Variants in CNIH3 observed in about 807,000 individuals in gnomAD.
CNIH3 encodes protein cornichon homolog 3.
CNIH3 carries 14 observed loss-of-function variants against 24.1 expected under a neutral mutation model. The ratio of observed to expected loss-of-function variants is 0.58; its 90% CI spans 0.38 to 0.91. The LOEUF (loss-of-function observed/expected upper bound fraction) is 0.91. CNIH3 is among the 40% of genes least tolerant of loss of function. CNIH3 has a pLI of 0.00. For missense variants in CNIH3, 178 were observed against 196.8 expected (o/e 0.90, Z 0.57); for synonymous variants, 68 against 73.8 (o/e 0.92, Z 0.40).
chr1:224,624,885 T>C (rs893215286), intron 1 of CNIH3, among the ~76,000 whole-genome samples: 2 of 152,228 alleles, frequency 1.3e-5, no homozygotes, highest in African/African-American at 4.8e-5. Context: ...TGGGCTGTTC[T>C]GTCTCCCTGG....
chr1:224,525,020 G>A (rs532022109), intron 2 of CNIH3, among the ~76,000 whole-genome samples: 3 of 152,074 alleles, frequency 2.0e-5, no homozygotes, highest in Non-Finnish European at 2.9e-5. Flanking sequence ...GGAAGTATCC[G>A]CCTAAATGTA....
At chr1:224,485,170 A>G (rs1052754715) in intron 1 of CNIH3, among the ~76,000 whole-genome samples, 1 of 152,210 alleles carries the variant, frequency 6.6e-6, no homozygotes, top group African/African-American at 2.4e-5. Context: ...ATAAACTTAT[A>G]TAGTCACTCT....
At chr1:224,462,554 G>A (rs187764496) in intron 1 of CNIH3, among the ~76,000 whole-genome samples, 3 of 151,162 alleles carry the variant, frequency 2.0e-5, no homozygotes, top group Non-Finnish European at 2.9e-5. Context: ...GGCTGGTCTC[G>A]AAATCCTGGC....
intron 3 of CNIH3, among the ~76,000 whole-genome samples, chr1:224,594,042 T>C (rs964867625): frequency 2.0e-5 from 3 of 152,156 alleles, no homozygotes; most frequent in Admixed American, 6.5e-5. Flanking sequence ...GAGTTTTAGT[T>C]TGAGAAGTTG....
Position 224,616,881 on chromosome 1 carries a change from T to C in CNIH3, c.-294T>C. ...TCACAGCTTGGCACTAATTTGCAGG[T>C]GTTCGCTGCTGATTTGGTTTCTTCT... On this transcript the variant is annotated 5_prime_UTR_variant, in exon 1 of 6. Transcript: ENST00000272133. 1 of 1,252,818 alleles carries C rather than the reference T, an allele frequency of 8.0e-7. No individual in the cohort carries two copies. Among genetic ancestry groups the C allele is most frequent in the South Asian group, 2.6e-5 (1 of 38,638 alleles). 77.6% of individuals were successfully genotyped at this position (1,252,818 alleles called of 1,614,324 possible). A position where few individuals can be genotyped will look rare whatever the true frequency, so the allele number is the denominator to read the frequency against.
rs1182034717 is a variant in CNIH3, at chr1:224,616,701, GC to G, written c.-470del. 27 of 992,048 alleles carry G rather than the reference GC, an allele frequency of 2.7e-5. No homozygotes were observed. Among genetic ancestry groups the G allele is most frequent in the Non-Finnish European group, 3.2e-5 (27 of 834,528 alleles). The allele number at this position is 992,048 out of a possible 1,614,324, so 61.5% of individuals were successfully genotyped here. A position where few individuals can be genotyped will look rare whatever the true frequency, so the allele number is the denominator to read the frequency against. ...ACCTCGCTGGACACTATCCGTTTGC[GC>G]CCCGGTGGCGCGGGAGGGTCCGGAG... is the stretch of plus-strand genomic sequence containing the variant. On this transcript the variant is annotated 5_prime_UTR_variant, in exon 1 of 6. Coordinates refer to ENST00000272133, the MANE Select transcript of CNIH3 (RefSeq NM_152495.2).
intron 4 of CNIH3, among the ~76,000 whole-genome samples, chr1:224,580,017 T>G (rs1453376701): frequency 6.6e-6 from 1 of 152,202 alleles, no homozygotes; most frequent in Non-Finnish European, 1.5e-5. Flanking sequence ...GAAATCAGTC[T>G]GTAAATCTTC....
Position 224,652,410 on chromosome 1 carries a change from C to T in CNIH3, c.82-28548C>T, listed in dbSNP as rs569598540. ...TTGAGCAGGCAGGACTCAGACCTAGCGGTAGGGAAGTGCTATTGAAAGTTT... is the reference window on the plus strand; with the variant it reads ...TTGAGCAGGCAGGACTCAGACCTAGTGGTAGGGAAGTGCTATTGAAAGTTT... On this transcript the variant is annotated intron_variant, in intron 1 of 5. Coordinates refer to ENST00000272133, the MANE Select transcript of CNIH3 (RefSeq NM_152495.2). Among the ~76,000 whole-genome samples, 19 of 152,190 alleles carry T rather than the reference C, an allele frequency of 1.2e-4. No individual in the cohort carries two copies. In the South Asian group the frequency reaches 2.5e-3, roughly 20 times the overall value.
rs2125254979 is a variant in CNIH3 at position 224,739,911 on chromosome 1, T to C, written c.*555T>C. 6.5e-6 allele frequency: 1 copy of C among 152,688 alleles called. No homozygotes were observed. Among genetic ancestry groups the C allele is most frequent in the Non-Finnish European group, 1.5e-5 (1 of 68,402 alleles). 9.5% of individuals were successfully genotyped at this position (152,688 alleles called of 1,614,324 possible). On this transcript the variant is annotated 3_prime_UTR_variant, in exon 6 of 6. Coordinates refer to ENST00000272133, the MANE Select transcript of CNIH3 (RefSeq NM_152495.2). The stretch of plus-strand genomic sequence containing the variant: ...GGAGGGGCTGGAGGGTGTGTGGGAT[T>C]TGTCTTCAGCTGCAACCAGCCTTGA...
At chr1:224,484,733 A>G (rs1021084853) in intron 1 of CNIH3, among the ~76,000 whole-genome samples, 2 of 152,150 alleles carry the variant, frequency 1.3e-5, no homozygotes, top group African/African-American at 4.8e-5. Context: ...GATGTCTTCA[A>G]GTTCACTCAT....
chr1:224,626,805 G>T (rs182050335), intron 1 of CNIH3, among the ~76,000 whole-genome samples: 1 of 152,282 alleles, frequency 6.6e-6, no homozygotes, highest in East Asian at 1.9e-4. Flanking sequence ...TTATTGCACC[G>T]TAGATATGTC....
chr1:224,561,284 A>G lies in CNIH3; in HGVS notation n.451-4915A>G, dbSNP rs551710126. On this transcript the variant is annotated intron_variant and non_coding_transcript_variant, in intron 3 of 5. Coordinates refer to the CNIH3 transcript ENST00000471578. ...GCATCTCTCTTTTCCTTTATGGTTTACAGATTTCCTTTCTCAGTCATGAAT... is the reference window on the plus strand; with the variant it reads ...GCATCTCTCTTTTCCTTTATGGTTTGCAGATTTCCTTTCTCAGTCATGAAT... Among the ~76,000 whole-genome samples, 16 of 152,270 alleles carry G rather than the reference A, an allele frequency of 1.1e-4. No individual in the cohort carries two copies. In the South Asian group the frequency reaches 3.3e-3, roughly 32 times the overall value.
chr1:224,460,563 T>G (rs905099316), intron 1 of CNIH3, among the ~76,000 whole-genome samples: 1 of 152,260 alleles, frequency 6.6e-6, no homozygotes, highest in Non-Finnish European at 1.5e-5. Flanking sequence ...TCAATTCTTT[T>G]CTTTTTATTG....
intron 3 of CNIH3, among the ~76,000 whole-genome samples, chr1:224,555,341 A>T (rs957106858): frequency 6.6e-6 from 1 of 152,198 alleles, no homozygotes; most frequent in Non-Finnish European, 1.5e-5. Context: ...ACATTGTGTG[A>T]AAAACTTGAA....
chr1:224,590,739 G>T (rs546239107), downstream of CNIH3, among the ~76,000 whole-genome samples: 3 of 152,124 alleles, frequency 2.0e-5, no homozygotes, highest in Non-Finnish European at 4.4e-5. Context: ...TTCCTAACAT[G>T]TGCTTTTTGG....
chr1:224,687,169 G>A (rs530873558), intron 3 of CNIH3, among the ~76,000 whole-genome samples: 1 of 152,330 alleles, frequency 6.6e-6, no homozygotes, highest in South Asian at 2.1e-4. Context: ...CTCCCACGGG[G>A]AGTAGCACTG....
upstream of CNIH3, among the ~76,000 whole-genome samples, chr1:224,511,464 C>T (rs712066): frequency 0.29 from 44,278 of 152,134 alleles, 8,241 homozygotes; most frequent in African/African-American, 0.53. Context: ...CGCATGTGAT[C>T]ACAAAGTGGG....
rs935649232 is a variant in CNIH3 at position 224,674,191 on chromosome 1, A to G, written c.82-6767A>G. 1.9e-4 allele frequency among the ~76,000 whole-genome samples: 28 copies of G among 149,748 alleles called. 1 individual carries two copies. Among genetic ancestry groups the G allele is most frequent in the Admixed American group, 1.7e-3 (25 of 15,054 alleles). On this transcript the variant is annotated intron_variant, in intron 1 of 5. Transcript: ENST00000272133. The stretch of plus-strand genomic sequence containing the variant: ...GAGAAAACCAGCCTTTCCTAATGCT[A>G]AGCTCTCTGATGGGGCAGCCCTGGG...
rs74434141 is a variant in CNIH3, at chr1:224,656,908, G to A, written c.82-24050G>A. ...TACATTTCGAAGGGGCTAAGAGCCA[G>A]CCCACTTCTGGGAGCTACTTGTATC... is the stretch of plus-strand genomic sequence containing the variant. On this transcript the variant is annotated intron_variant, in intron 1 of 5. Transcript: ENST00000272133. Among the ~76,000 whole-genome samples, 528 of 152,348 alleles carry A rather than the reference G, an allele frequency of 3.5e-3. 10 individuals carry two copies. The highest frequency in any genetic ancestry group is 0.03 in the East Asian group (155 of 5,190).
Sources: gnomAD v4.1 joint callset for allele counts (sites outside exome capture counted in the v4.1 genomes callset) on GRCh38, gnomAD v4.1.1 for gene constraint, MANE v1.5 for transcripts, NCBI Gene and HGNC (gene_info 2026-07-23, HGNC 2026-07-21) for gene names.